The following TMEM273 variants were observed in gnomAD, a reference collection of about 807,000 sequenced individuals.
TMEM273 encodes chromosome 10 open reading frame 128.
Under a neutral mutation model 17.9 loss-of-function variants are expected in TMEM273, and 19 were observed. That is an observed-to-expected ratio of 1.06 (90% CI 0.74 to 1.55). The LOEUF is 1.55. Among genes scored for constraint, TMEM273 ranks in the 40% most tolerant of loss-of-function variants. The probability of loss-of-function intolerance (pLI) is 0.00; values close to 1 mark genes in which losing one functional copy is unlikely to be tolerated. For missense variants in TMEM273, 194 were observed against 155.6 expected, an observed-to-expected ratio of 1.25 and a Z score of -1.31; for synonymous variants, 66 against 62.0, an observed-to-expected ratio of 1.07 and a Z score of -0.31.
intron 1 of TMEM273, among the ~76,000 whole-genome samples, chr10:49,177,923 C>T (rs534909828): frequency 4.3e-4 from 65 of 152,276 alleles, no homozygotes; most frequent in Non-Finnish European, 7.4e-4. Context: ...CACTGCTTGC[C>T]TCAGGGAAGT....
intron 1 of TMEM273, among the ~76,000 whole-genome samples, chr10:49,171,495 G>A (rs1197907939): frequency 2.6e-5 from 4 of 152,210 alleles, no homozygotes; most frequent in South Asian, 4.1e-4. Context: ...AAGGGCACTC[G>A]ATGGGCTCTA....
At chr10:49,187,399 C>T (rs1413908582) in intron 1 of TMEM273, among the ~76,000 whole-genome samples, 3 of 152,220 alleles carry the variant, frequency 2.0e-5, no homozygotes, top group Non-Finnish European at 4.4e-5. Flanking sequence ...AGGATACAAC[C>T]TATTGGTCTG....
chr10:49,186,762 C>CAATA (rs1267573767), intron 1 of TMEM273, among the ~76,000 whole-genome samples: 1 of 152,178 alleles, frequency 6.6e-6, no homozygotes, highest in Non-Finnish European at 1.5e-5. Context: ...GTACCTCTAT[C>CAATA]AATAGTATAT....
At chr10:49,157,527 G>A (rs1220553473) in intron 6 of TMEM273, among the ~76,000 whole-genome samples, 2 of 152,170 alleles carry the variant, frequency 1.3e-5, no homozygotes, top group African/African-American at 2.4e-5. Flanking sequence ...AGAAACAAAA[G>A]TAAAACTAAT....
intron 1 of TMEM273, among the ~76,000 whole-genome samples, chr10:49,170,835 A>G (rs2377953): frequency 0.53 from 81,039 of 151,958 alleles, 24,344 homozygotes; most frequent in African/African-American, 0.83. Flanking sequence ...GGCCGGCCCC[A>G]CCCCTGCATC....
At chr10:49,163,379 G>A (rs1426890643) in intron 5 of TMEM273, among the ~76,000 whole-genome samples, 1 of 151,752 alleles carries the variant, frequency 6.6e-6, no homozygotes, top group South Asian at 2.1e-4. Context: ...TCCCCAATTC[G>A]ACCACACATT....
intron 1 of TMEM273, among the ~76,000 whole-genome samples, chr10:49,168,525 T>A (rs1270338731): frequency 6.6e-6 from 1 of 152,134 alleles, no homozygotes; most frequent in Non-Finnish European, 1.5e-5. Flanking sequence ...CCAGGCTCCA[T>A]CCTAAAAGCT....
At chr10:49,176,138 C>T (rs1191732716) in intron 1 of TMEM273, among the ~76,000 whole-genome samples, 1 of 152,214 alleles carries the variant, frequency 6.6e-6, no homozygotes, top group African/African-American at 2.4e-5. Flanking sequence ...CTGGACAAGT[C>T]CCCGGAAGGA....
chr10:49,165,711 T>C, intron 4 of TMEM273, 55 bp downstream of exon 4: 1 of 1,609,206 alleles, frequency 6.2e-7, no homozygotes, highest in South Asian at 1.1e-5. Flanking sequence ...AGTGGCACGG[T>C]CAAGACAGGA....
intron 1 of TMEM273, among the ~76,000 whole-genome samples, chr10:49,180,227 G>T (rs558594151): frequency 2.6e-4 from 39 of 152,134 alleles, no homozygotes; most frequent in Admixed American, 4.6e-4. Flanking sequence ...TGTCAGCAAG[G>T]GACACATGAA....
At chr10:49,164,479 TTC>T (rs1444638608) in intron 5 of TMEM273, among the ~76,000 whole-genome samples, 1 of 152,100 alleles carries the variant, frequency 6.6e-6, no homozygotes, top group Non-Finnish European at 1.5e-5. Context: ...ACAAAAAATA[TTC>T]TCTCTCTCCC....
At chr10:49,174,769 G>T (rs751241884) in intron 1 of TMEM273, among the ~76,000 whole-genome samples, 2 of 152,080 alleles carry the variant, frequency 1.3e-5, no homozygotes, top group East Asian at 3.9e-4. Context: ...TCCATGGACC[G>T]CCCCCCATCC....
At position 49,188,356 on chromosome 10, in the gene TMEM273, C is replaced by T. The variant is rs1394550262; in HGVS notation, c.-20G>A. 1.9e-6 allele frequency: 3 copies of T among 1,614,046 alleles called. No homozygotes were observed. The highest frequency in any genetic ancestry group is 1.7e-6 in the Non-Finnish European group (2 of 1,179,944). On this transcript the variant is annotated 5_prime_UTR_variant, in exon 1 of 7. Transcript: ENST00000374153. ...GTTCATGCTGGCGCTCTGCTCTTGGCTCCTGGCTCCTGGCTGCTGGCAGCG... is the reference window on the plus strand; with the variant it reads ...GTTCATGCTGGCGCTCTGCTCTTGGTTCCTGGCTCCTGGCTGCTGGCAGCG...
intron 3 of TMEM273, among the ~76,000 whole-genome samples, chr10:49,166,126 G>T (rs2725200): frequency 0.21 from 31,640 of 152,104 alleles, 3,705 homozygotes; most frequent in East Asian, 0.32. Context: ...CGTCTTCCAG[G>T]AAGGCAGTGA....
At chr10:49,156,749 A>G (rs1845536671) in intron 6 of TMEM273, among the ~76,000 whole-genome samples, 1 of 152,248 alleles carries the variant, frequency 6.6e-6, no homozygotes, top group African/African-American at 2.4e-5. Context: ...GTCAAAGGCC[A>G]TAAAACAGAC....
chr10:49,163,904 A>T (rs1201404648), intron 5 of TMEM273, among the ~76,000 whole-genome samples: 1 of 152,182 alleles, frequency 6.6e-6, no homozygotes, highest in African/African-American at 2.4e-5. Context: ...ATGAGGGCTG[A>T]TGAGTCATGA....
chr10:49,162,856 T>C (rs948831731), intron 5 of TMEM273, among the ~76,000 whole-genome samples: 1 of 152,214 alleles, frequency 6.6e-6, no homozygotes, highest in African/African-American at 2.4e-5. Context: ...AAGTCAATCC[T>C]TCTCACCCTT....
At chr10:49,159,902 T>C (rs1389796793) in intron 6 of TMEM273, among the ~76,000 whole-genome samples, 1 of 152,004 alleles carries the variant, frequency 6.6e-6, no homozygotes, top group Non-Finnish European at 1.5e-5. Flanking sequence ...AGAAGTGACT[T>C]GCACTAGCCA....
At chr10:49,166,213 G>T (rs957643904) in intron 3 of TMEM273, among the ~76,000 whole-genome samples, 3 of 152,188 alleles carry the variant, frequency 2.0e-5, no homozygotes, top group Non-Finnish European at 2.9e-5. Context: ...AACAGAGGAT[G>T]AGTCTGGGGA....
Sources: gnomAD v4.1 joint callset for allele counts (sites outside exome capture counted in the v4.1 genomes callset) on GRCh38, gnomAD v4.1.1 for gene constraint, MANE v1.5 for transcripts, NCBI Gene and HGNC (gene_info 2026-07-23, HGNC 2026-07-21) for gene names.